The following LRP1B variants were observed in gnomAD, a reference collection of about 807,000 sequenced individuals.
LRP1B encodes the protein LDL receptor related protein 1B, also known as low-density lipoprotein receptor-related protein 1B.
LRP1B carries 217 observed loss-of-function variants against 556.6 expected under a neutral mutation model. The ratio of observed to expected loss-of-function variants is 0.39; its 90% CI spans 0.35 to 0.44. LRP1B has a LOEUF of 0.44. Among genes scored for constraint, LRP1B ranks in the 20% least tolerant of loss-of-function variants. The pLI, the probability that LRP1B is intolerant of heterozygous loss-of-function variation, is 1.00. For synonymous variants in LRP1B, 2,047 were observed against 1,865.8 expected (o/e 1.10, Z -2.50); for missense variants, 5,053 against 5,620.8 (o/e 0.90, Z 3.23).
At chr2:140,496,547 G>A (rs1159787083) in intron 55 of LRP1B, among the ~76,000 whole-genome samples, 1 of 151,902 alleles carries the variant, frequency 6.6e-6, no homozygotes, top group Admixed American at 6.6e-5. Context: ...TGTTTTATTT[G>A]TCCTTCTGAT....
intron 1 of LRP1B, among the ~76,000 whole-genome samples, chr2:142,058,650 T>C (rs1251334903): frequency 1.3e-5 from 2 of 152,130 alleles, no homozygotes; most frequent in African/African-American, 2.4e-5. Flanking sequence ...AGCCAAATGA[T>C]TGGACACCCC....
At chr2:141,635,015 G>T (rs1689057891) in intron 2 of LRP1B, among the ~76,000 whole-genome samples, 1 of 147,044 alleles carries the variant, frequency 6.8e-6, no homozygotes, top group African/African-American at 2.5e-5. Context: ...ATTTGGATTT[G>T]ACCGCATAAC....
At chr2:140,489,635 A>C (rs1688617386) in intron 57 of LRP1B, among the ~76,000 whole-genome samples, 1 of 152,096 alleles carries the variant, frequency 6.6e-6, no homozygotes, top group South Asian at 2.1e-4. Flanking sequence ...AATTCATTCC[A>C]ATAGTAGTTT....
chr2:140,379,435 C>T (rs1253796644), intron 67 of LRP1B, among the ~76,000 whole-genome samples: 4 of 152,172 alleles, frequency 2.6e-5, no homozygotes, highest in Non-Finnish European at 5.9e-5. Context: ...GTGGCTCACG[C>T]CTGTAATCTC....
At chr2:141,392,481 AG>A (rs760991990) in intron 3 of LRP1B, among the ~76,000 whole-genome samples, 7,420 of 144,534 alleles carry the variant, frequency 0.051, 286 homozygotes, top group African/African-American at 0.096. Context: ...AAAAAAAAAA[AG>A]AGAGACTGTC....
intron 2 of LRP1B, among the ~76,000 whole-genome samples, chr2:141,566,236 G>T (rs1272243259): frequency 6.6e-6 from 1 of 150,838 alleles, no homozygotes; most frequent in African/African-American, 2.4e-5. Flanking sequence ...ACAAAAAAGG[G>T]CAGACTGGGA....
At chr2:140,795,875 T>A (rs1440248502) in intron 32 of LRP1B, among the ~76,000 whole-genome samples, 3 of 152,118 alleles carry the variant, frequency 2.0e-5, no homozygotes, top group Non-Finnish European at 4.4e-5. Flanking sequence ...TCTCTTCAGT[T>A]ATCTTGATTT....
chr2:141,942,580 C>G (rs1700844141), intron 1 of LRP1B, among the ~76,000 whole-genome samples: 1 of 152,120 alleles, frequency 6.6e-6, no homozygotes, highest in East Asian at 1.9e-4. Flanking sequence ...ACCCTGCCAC[C>G]TTGTGAAAGG....
intron 32 of LRP1B, among the ~76,000 whole-genome samples, chr2:140,784,798 T>C (rs945697451): frequency 5.9e-5 from 9 of 151,860 alleles, no homozygotes; most frequent in Non-Finnish European, 1.0e-4. Flanking sequence ...ATAGAAAGTT[T>C]AAAGTTGAAA....
intron 7 of LRP1B, among the ~76,000 whole-genome samples, chr2:141,112,071 T>TAATA (rs71391645): frequency 0.43 from 61,764 of 145,322 alleles, 13,962 homozygotes; most frequent in Middle Eastern, 0.54. Flanking sequence ...AATAAATAAA[T>TAATA]AATAAATAAA....
intron 5 of LRP1B, among the ~76,000 whole-genome samples, chr2:141,240,398 G>T (rs532531119): frequency 3.3e-5 from 5 of 151,870 alleles, no homozygotes; most frequent in Admixed American, 3.3e-4. Flanking sequence ...TGTCTACTCG[G>T]ATTTTAAGGT....
At chr2:140,512,566 T>C (rs1220402213) in intron 51 of LRP1B, among the ~76,000 whole-genome samples, 5 of 152,174 alleles carry the variant, frequency 3.3e-5, no homozygotes, top group African/African-American at 1.2e-4. Context: ...ACCTCTGTCA[T>C]AGTTAATTAT....
intron 1 of LRP1B, among the ~76,000 whole-genome samples, chr2:141,882,073 A>T (rs1392007692): frequency 1.3e-5 from 2 of 152,040 alleles, no homozygotes; most frequent in Admixed American, 1.3e-4. Context: ...GATGTTTTTA[A>T]TTCCTAAAAT....
chr2:141,464,271 T>C (rs1243044504), intron 3 of LRP1B, among the ~76,000 whole-genome samples: 1 of 152,168 alleles, frequency 6.6e-6, no homozygotes, highest in Non-Finnish European at 1.5e-5. Flanking sequence ...GTACAATCTC[T>C]AACATTTTTC....
intron 2 of LRP1B, among the ~76,000 whole-genome samples, chr2:141,742,419 T>C (rs902795782): frequency 7.2e-5 from 11 of 151,790 alleles, no homozygotes; most frequent in African/African-American, 2.7e-4. Flanking sequence ...GCCCCGCTAA[T>C]TTTTTTGTCT....
At chr2:140,297,222 T>C (rs1213478445) in intron 84 of LRP1B, among the ~76,000 whole-genome samples, 1 of 152,106 alleles carries the variant, frequency 6.6e-6, no homozygotes, top group Non-Finnish European at 1.5e-5. Flanking sequence ...GCAGCTCTCT[T>C]TAGATGGTTT....
chr2:141,385,478 T>G (rs1689798242), intron 3 of LRP1B, among the ~76,000 whole-genome samples: 1 of 152,126 alleles, frequency 6.6e-6, no homozygotes, highest in African/African-American at 2.4e-5. Context: ...TTGCTTATAC[T>G]GCAGAAAAAG....
intron 3 of LRP1B, among the ~76,000 whole-genome samples, chr2:141,366,865 T>TA (rs1689055493): frequency 1.3e-5 from 2 of 151,182 alleles, no homozygotes; most frequent in Non-Finnish European, 2.9e-5. Context: ...AAAATTTAGT[T>TA]AGACTCGATC....
intron 2 of LRP1B, among the ~76,000 whole-genome samples, chr2:141,687,812 T>C (rs541039736): frequency 1.3e-5 from 2 of 152,068 alleles, no homozygotes; most frequent in South Asian, 4.1e-4. Context: ...GTAAGTCCTC[T>C]GGTTGAGAAC....
Sources: gnomAD v4.1 joint callset for allele counts (sites outside exome capture counted in the v4.1 genomes callset) on GRCh38, gnomAD v4.1.1 for gene constraint, MANE v1.5 for transcripts, NCBI Gene and HGNC (gene_info 2026-07-23, HGNC 2026-07-21) for gene names.